RALGAPB: variants seen among roughly 807,000 people sequenced by gnomAD.
RALGAPB encodes Ral GTPase activating protein non-catalytic subunit beta.
A neutral mutation model predicts 161.1 loss-of-function variants in RALGAPB; 25 were observed. The ratio of observed to expected loss-of-function variants is 0.16; its 90% CI spans 0.11 to 0.22. The LOEUF (loss-of-function observed/expected upper bound fraction) is 0.22. Ranked by LOEUF, RALGAPB falls within the 10% of genes least tolerant of loss-of-function variation. The probability of loss-of-function intolerance (pLI) is 1.00; values close to 1 mark genes in which losing one functional copy is unlikely to be tolerated. For missense variants in RALGAPB, 1,391 were observed against 1,815.2 expected (o/e 0.77, Z 4.25); for synonymous variants, 629 against 626.1 (o/e 1.00, Z -0.07).
intron 10 of RALGAPB, 112 bp from the exon 11 acceptor site, chr20:38,524,666 G>T: frequency 1.3e-6 from 1 of 785,776 alleles, no homozygotes; most frequent in Admixed American, 2.7e-5. Flanking sequence ...TTTCTTTAAA[G>T]GGTAAAAATA....
At chr20:38,525,542 T>C (rs763537747) in intron 12 of RALGAPB, 24 bp downstream of exon 12, 2 of 1,476,308 alleles carry the variant, frequency 1.4e-6, no homozygotes, top group Non-Finnish European at 1.9e-6. Context: ...AAAGTTTTTT[T>C]ATATCCTATA....
intron 11 of RALGAPB, 62 bp from the exon 12 acceptor site, chr20:38,525,342 T>C: frequency 4.5e-6 from 5 of 1,111,432 alleles, no homozygotes; most frequent in Non-Finnish European, 6.7e-6. Flanking sequence ...TTATATGTAT[T>C]TGGCAGTAGC....
chr20:38,512,269 G>T (rs1184827881), intron 6 of RALGAPB, among the ~76,000 whole-genome samples: 2 of 152,094 alleles, frequency 1.3e-5, no homozygotes, highest in Non-Finnish European at 2.9e-5. Context: ...CTGAGATATG[G>T]GCACATATCT....
intron 1 of RALGAPB, among the ~76,000 whole-genome samples, chr20:38,485,814 C>T (rs964048622): frequency 1.3e-4 from 20 of 151,916 alleles, no homozygotes; most frequent in Non-Finnish European, 5.9e-5. Flanking sequence ...TGTTTATGTT[C>T]TCTTCATTGT....
chr20:38,517,134 G>A (rs1173483051), intron 7 of RALGAPB, among the ~76,000 whole-genome samples: 2 of 152,210 alleles, frequency 1.3e-5, no homozygotes, highest in Non-Finnish European at 2.9e-5. Context: ...GGGCCATGAT[G>A]GTTGAGTGAG....
At position 38,546,412 on chromosome 20, in the gene RALGAPB, C is replaced by T. The variant is rs1218486232; in HGVS notation, c.2884C>T (p.Pro962Ser). The change falls in exon 19 of 30, where the codon CCT (proline) becomes TCT (serine). Residue 962 changes from proline (P) to serine (S), a missense_variant. This residue lies in a region of RALGAPB where 946 missense variants were observed against 1,257.2 expected (regional missense o/e 0.75). Coordinates refer to ENST00000262879, the MANE Select transcript of RALGAPB (RefSeq NM_020336.4). ...TGTCATCCTGGCAATGCTGGAACAA[C>T]CTCTTGGAAATGAGCAGAGTAAGTT... ...NSVILAMLEQ[P>S]LGNEQNDFFP... 1.9e-6 allele frequency: 3 copies of T among 1,613,888 alleles called. No homozygotes were observed. Among genetic ancestry groups the T allele is most frequent in the Admixed American group, 3.3e-5 (2 of 59,994 alleles).
intron 1 of RALGAPB, among the ~76,000 whole-genome samples, chr20:38,476,936 A>G (rs1291704640): frequency 1.2e-4 from 18 of 152,246 alleles, no homozygotes. Context: ...ACAGTTGAAA[A>G]TAATAAGTTG....
At chr20:38,555,393 A>T (rs540453119) in intron 22 of RALGAPB, among the ~76,000 whole-genome samples, 51 of 151,806 alleles carry the variant, frequency 3.4e-4, no homozygotes, top group Non-Finnish European at 5.9e-4. Context: ...GTATTTTTGT[A>T]TTTTTTTTGT....
chr20:38,525,828 A>G, intron 12 of RALGAPB, 67 bp from the exon 13 acceptor site: 1 of 1,502,180 alleles, frequency 6.7e-7, no homozygotes, highest in African/African-American at 1.4e-5. Flanking sequence ...TCCTCCATCT[A>G]GCTGTTCCCA....
At chr20:38,561,143 G>A (rs1264453866) in intron 23 of RALGAPB, among the ~76,000 whole-genome samples, 1 of 152,090 alleles carries the variant, frequency 6.6e-6, no homozygotes, top group East Asian at 1.9e-4. Context: ...GGCTAACATG[G>A]TAAAACCCGT....
intron 28 of RALGAPB, among the ~76,000 whole-genome samples, chr20:38,572,834 A>G (rs1341763757): frequency 6.6e-6 from 1 of 152,210 alleles, no homozygotes; most frequent in Non-Finnish European, 1.5e-5. Context: ...TCTTAATATT[A>G]TCTAATAGCC....
At chr20:38,491,344 T>C (rs63297963) in intron 2 of RALGAPB, among the ~76,000 whole-genome samples, 5 of 151,506 alleles carry the variant, frequency 3.3e-5, no homozygotes, top group African/African-American at 7.3e-5. Context: ...TTTTTTTTTT[T>C]CCCCTAAGTT....
rs531146390 is a variant in RALGAPB at position 38,475,027 on chromosome 20, C to CT, written c.-31+1960dup. ...AGCAGTTGAACACACACATTGAGTT[C>CT]TTACCAATTGCAAGGCACTCTGTAA... On this transcript the variant is annotated intron_variant, in intron 1 of 29. Transcript: ENST00000262879. Among the ~76,000 whole-genome samples, 863 of 152,318 alleles carry CT rather than the reference C, an allele frequency of 5.7e-3. 3 individuals are homozygous for CT. Among genetic ancestry groups the CT allele is most frequent in the Non-Finnish European group, 9.1e-3 (622 of 68,030 alleles).
Position 38,577,656 on chromosome 20 carries a change from G to C in RALGAPB, c.*2689G>C, listed in dbSNP as rs1302463654. 2 of 151,732 alleles carry C rather than the reference G, an allele frequency of 1.3e-5. No individual in the cohort carries two copies. The highest frequency in any genetic ancestry group is 4.9e-5 in the African/African-American group (2 of 41,000). The allele number at this position is 151,732 out of a possible 1,614,324, so 9.4% of individuals were successfully genotyped here. A position where few individuals can be genotyped will look rare whatever the true frequency, so the allele number is the denominator to read the frequency against. On this transcript the variant is annotated 3_prime_UTR_variant, in exon 30 of 30. Transcript: ENST00000262879. ...TCCTTTTTGTCTAGGGCTTCCTCTT[G>C]AGACCCTCTTCCATCCATTGGGCCT...
rs932459496 is a variant in RALGAPB at position 38,508,968 on chromosome 20, G to A, written c.741-109G>A. ...GAGGGTTTCCATATGTCTTGTTCAC[G>A]TATGTGAGGTACACATGTTTCATCC... On this transcript the variant is annotated intron_variant, in intron 5 of 29. Transcript: ENST00000262879. 5.3e-5 allele frequency: 63 copies of A among 1,199,642 alleles called. No individual in the cohort carries two copies. The African/African-American group carries it at 7.9e-4, about 15-fold the overall frequency. 74.3% of individuals were successfully genotyped at this position (1,199,642 alleles called of 1,614,324 possible).
At chr20:38,533,196 A>T (rs1286459472) in intron 15 of RALGAPB, among the ~76,000 whole-genome samples, 1 of 152,148 alleles carries the variant, frequency 6.6e-6, no homozygotes, top group Non-Finnish European at 1.5e-5. Flanking sequence ...AGTGGCAGAG[A>T]TGTCCAATAA....
chr20:38,484,896 T>C (rs1455554111), intron 1 of RALGAPB, among the ~76,000 whole-genome samples: 1 of 152,114 alleles, frequency 6.6e-6, no homozygotes, highest in African/African-American at 2.4e-5. Context: ...GGTTTTTCCA[T>C]GTTGGTCAGG....
chr20:38,474,008 T>C (rs1275571086), intron 1 of RALGAPB, among the ~76,000 whole-genome samples: 2 of 152,216 alleles, frequency 1.3e-5, no homozygotes, highest in Non-Finnish European at 2.9e-5. Context: ...CAGAGATCTT[T>C]AGGTTGACTG....
Position 38,488,618 on chromosome 20 carries a change from A to G in RALGAPB, c.186A>G (p.Glu62=), listed in dbSNP as rs1325632357. The G allele has an allele frequency of 1.9e-6, 3 of 1,604,168 alleles. No homozygotes were observed. The highest frequency in any genetic ancestry group is 8.5e-7 in the Non-Finnish European group (1 of 1,173,654). Reference sequence around the variant, plus strand: ...AGAATTTGTTAAAAACTGACAAAGAAGTAAGTGTTTCTAAATTTCATTCTC... The same window carrying G: ...AGAATTTGTTAAAAACTGACAAAGAGGTAAGTGTTTCTAAATTTCATTCTC... ...GSENLLKTDK[E]VKWTMEVICY... is the part of the protein sequence containing the mutation. The change falls in exon 2 of 30, where the codon GAA becomes GAG. Residue 62 remains glutamate (E), a splice_region_variant and synonymous_variant. Coordinates refer to ENST00000262879, the MANE Select transcript of RALGAPB (RefSeq NM_020336.4).
Sources: allele counts gnomAD v4.1 joint callset (sites outside exome capture counted in the v4.1 genomes callset), GRCh38; gene constraint gnomAD v4.1.1; regional missense constraint gnomAD v4.1.1; transcripts MANE v1.5; gene names NCBI Gene and HGNC (gene_info 2026-07-23, HGNC 2026-07-21).